Variants in RPRD1B observed in about 807,000 individuals in gnomAD.
RPRD1B encodes regulation of nuclear pre-mRNA domain containing 1B.
RPRD1B carries 11 observed loss-of-function variants against 41.5 expected under a neutral mutation model. The ratio of observed to expected loss-of-function variants is 0.27; its 90% CI spans 0.17 to 0.44. The LOEUF (loss-of-function observed/expected upper bound fraction) is 0.44. RPRD1B is among the 20% of genes least tolerant of loss of function. The probability of loss-of-function intolerance (pLI) is 1.00; values close to 1 mark genes in which losing one functional copy is unlikely to be tolerated. For missense variants in RPRD1B, 248 were observed against 389.9 expected (o/e 0.64, Z 3.06); for synonymous variants, 158 against 155.6 (o/e 1.02, Z -0.12).
intron 1 of RPRD1B, among the ~76,000 whole-genome samples, chr20:38,037,577 G>T (rs934565545): frequency 6.6e-6 from 1 of 152,220 alleles, no homozygotes; most frequent in Non-Finnish European, 1.5e-5. Context: ...TGTGCATGTT[G>T]TGTGTATTGT....
intron 1 of RPRD1B, among the ~76,000 whole-genome samples, chr20:38,039,758 G>T (rs2074045568): frequency 7.2e-6 from 1 of 139,056 alleles, no homozygotes; most frequent in Admixed American, 7.3e-5. Context: ...TTTTGAGACA[G>T]AGTCTTGCTC....
At chr20:38,057,395 C>T (rs2074254343) in intron 3 of RPRD1B, 137 bp from the exon 4 acceptor site, 1 of 612,254 alleles carries the variant, frequency 1.6e-6, no homozygotes, top group African/African-American at 1.8e-5. Flanking sequence ...AAATAACTAG[C>T]ATAAAGGTTA....
intron 1 of RPRD1B, among the ~76,000 whole-genome samples, chr20:38,034,738 C>CCT (rs1161418274): frequency 6.6e-6 from 1 of 152,212 alleles, no homozygotes; most frequent in African/African-American, 2.4e-5. Flanking sequence ...CCTCTCCTCT[C>CCT]CTCTCTCATG....
chr20:38,044,703 CACAA>C (rs1392972598), intron 2 of RPRD1B, among the ~76,000 whole-genome samples: 1 of 152,102 alleles, frequency 6.6e-6, no homozygotes, highest in Non-Finnish European at 1.5e-5. Flanking sequence ...GTATTGCTTG[CACAA>C]ACAATTTAGG....
chr20:38,073,723 T>C (rs1003012067), intron 6 of RPRD1B, among the ~76,000 whole-genome samples: 11 of 152,196 alleles, frequency 7.2e-5, no homozygotes, highest in African/African-American at 2.7e-4. Flanking sequence ...AGTATCTCAG[T>C]GTCCTATCAT....
At chr20:38,085,622 T>A (rs546101496) in intron 6 of RPRD1B, 1 of 152,366 alleles carries the variant, frequency 6.6e-6, no homozygotes, top group East Asian at 1.9e-4. Flanking sequence ...GCTCGTGAAC[T>A]ACACTTGTGT....
chr20:38,042,402 C>G (rs1417009976), intron 2 of RPRD1B, among the ~76,000 whole-genome samples: 1 of 152,048 alleles, frequency 6.6e-6, no homozygotes, highest in Non-Finnish European at 1.5e-5. Flanking sequence ...GTCCTGAAAC[C>G]AAAAAGTAAA....
chr20:38,054,666 T>C (rs1269510470), intron 3 of RPRD1B, among the ~76,000 whole-genome samples: 2 of 152,162 alleles, frequency 1.3e-5, no homozygotes, highest in African/African-American at 4.8e-5. Flanking sequence ...GTCGAGGTAG[T>C]GTTTGATGTT....
At chr20:38,073,831 G>A (rs1453297214) in intron 6 of RPRD1B, among the ~76,000 whole-genome samples, 2 of 152,176 alleles carry the variant, frequency 1.3e-5, no homozygotes, top group African/African-American at 4.8e-5. Context: ...AGCCAGTGAG[G>A]ACCAGTACCT....
chr20:38,037,304 A>C (rs532816469), intron 1 of RPRD1B, among the ~76,000 whole-genome samples: 1 of 152,318 alleles, frequency 6.6e-6, no homozygotes, highest in South Asian at 2.1e-4. Flanking sequence ...GTGCTCCTAA[A>C]TGAATGTTTT....
intron 6 of RPRD1B, among the ~76,000 whole-genome samples, chr20:38,081,369 T>C (rs961748561): frequency 1.3e-5 from 2 of 152,214 alleles, no homozygotes; most frequent in Non-Finnish European, 2.9e-5. Flanking sequence ...ACATTATTGG[T>C]CTATAGAAAT....
chr20:38,051,091 C>G (rs1028550525), intron 3 of RPRD1B, among the ~76,000 whole-genome samples: 3 of 152,112 alleles, frequency 2.0e-5, no homozygotes, highest in African/African-American at 7.2e-5. Flanking sequence ...TTTGACAGTT[C>G]TTACAACATT....
At chr20:38,057,490 C>T (rs1305981908) in intron 3 of RPRD1B, 42 bp from the exon 4 acceptor site, 2 of 1,393,546 alleles carry the variant, frequency 1.4e-6, no homozygotes, top group African/African-American at 1.4e-5. Context: ...CTTATCACTA[C>T]AGGATATGTG....
intron 5 of RPRD1B, among the ~76,000 whole-genome samples, chr20:38,063,975 A>G (rs2074327335): frequency 6.6e-6 from 1 of 152,192 alleles, no homozygotes; most frequent in Non-Finnish European, 1.5e-5. Flanking sequence ...TTTCTTTTTA[A>G]TCTTAAAAAT....
At chr20:38,044,770 C>T (rs770678337) in intron 2 of RPRD1B, among the ~76,000 whole-genome samples, 3 of 152,180 alleles carry the variant, frequency 2.0e-5, no homozygotes, top group Non-Finnish European at 4.4e-5. Context: ...TCGGAAATCC[C>T]AAGTTCCCAG....
At chr20:38,054,017 A>C (rs1006020940) in intron 3 of RPRD1B, among the ~76,000 whole-genome samples, 3 of 152,178 alleles carry the variant, frequency 2.0e-5, no homozygotes, top group African/African-American at 4.8e-5. Flanking sequence ...GAAAGGAGCA[A>C]CTAGAGGCGG....
chr20:38,070,013 GT>G (rs34939349), intron 6 of RPRD1B, among the ~76,000 whole-genome samples: 4 of 151,102 alleles, frequency 2.6e-5, no homozygotes, highest in Admixed American at 1.3e-4. Context: ...AGAGAAAAGG[GT>G]TTTTTTTTAA....
At chr20:38,084,200 CAA>C (rs942001718) in intron 6 of RPRD1B, among the ~76,000 whole-genome samples, 1 of 152,074 alleles carries the variant, frequency 6.6e-6, no homozygotes, top group African/African-American at 2.4e-5. Flanking sequence ...TTGGCTTTCT[CAA>C]CCTCCATACT....
chr20:38,049,754 T>A (rs1302822211), intron 3 of RPRD1B: 1 of 471,094 alleles, frequency 2.1e-6, no homozygotes, highest in East Asian at 6.9e-5. Context: ...TGGCATGACA[T>A]GTTTCTTAGC....
Sources: gnomAD v4.1 joint callset for allele counts (sites outside exome capture counted in the v4.1 genomes callset) on GRCh38, gnomAD v4.1.1 for gene constraint, MANE v1.5 for transcripts, NCBI Gene and HGNC (gene_info 2026-07-23, HGNC 2026-07-21) for gene names.